The following NDRG1 variants were observed in gnomAD, a reference collection of about 807,000 sequenced individuals.
NDRG1 encodes N-myc downstream regulated 1.
NDRG1 carries 32 observed loss-of-function variants against 56.9 expected under a neutral mutation model. The observed-to-expected ratio is 0.56, with a 90% CI of 0.42 to 0.76. NDRG1 has a LOEUF of 0.76. Among genes scored for constraint, NDRG1 ranks in the 30% least tolerant of loss-of-function variants. NDRG1 has a pLI of 0.00. For synonymous variants in NDRG1, 211 were observed against 204.1 expected (o/e 1.03, Z -0.29); for missense variants, 507 against 545.7 (o/e 0.93, Z 0.71).
At chr8:133,280,356 A>T (rs1295401002) in intron 2 of NDRG1, 89 bp from the exon 3 acceptor site, 1 of 1,217,908 alleles carries the variant, frequency 8.2e-7, no homozygotes, top group Non-Finnish European at 1.2e-6. Flanking sequence ...CTATGACCTG[A>T]ATCTGTACCT....
intron 2 of NDRG1, among the ~76,000 whole-genome samples, chr8:133,281,900 T>C (rs1475957703): frequency 6.6e-6 from 1 of 152,160 alleles, no homozygotes; most frequent in Non-Finnish European, 1.5e-5. Flanking sequence ...GGGAAAGCCA[T>C]TCTGTACAGC....
chr8:133,264,936 G>A (rs1004431962), intron 3 of NDRG1: 9 of 473,070 alleles, frequency 1.9e-5, no homozygotes, highest in East Asian at 8.2e-5. Flanking sequence ...TCTCTGCCCC[G>A]GACTGTTTGC....
At chr8:133,296,890 G>T (rs1241280793) in intron 1 of NDRG1, 5 of 213,922 alleles carry the variant, frequency 2.3e-5, no homozygotes, top group Non-Finnish European at 4.9e-5. Flanking sequence ...CAGCTAGGGG[G>T]GAGATGAATG....
intron 1 of NDRG1, chr8:133,284,791 G>GT: frequency 2.2e-6 from 1 of 457,420 alleles, no homozygotes. Flanking sequence ...CAGCCTCACA[G>GT]TTAGCCCTAA....
intron 3 of NDRG1, among the ~76,000 whole-genome samples, chr8:133,271,617 T>C (rs1275802239): frequency 6.6e-6 from 1 of 151,356 alleles, no homozygotes; most frequent in Non-Finnish European, 1.5e-5. Context: ...ACCTCCTTTC[T>C]ACAAAAAATA....
chr8:133,294,494 G>A (rs1212625009), intron 1 of NDRG1, among the ~76,000 whole-genome samples: 2 of 152,216 alleles, frequency 1.3e-5, no homozygotes, highest in East Asian at 1.9e-4. Flanking sequence ...AGGCCTCTGA[G>A]TCACATCTGG....
chr8:133,270,561 C>T lies in NDRG1; in HGVS notation c.100-5909G>A, dbSNP rs541442008. ...GTTTTTTAAAAAGGGTCAAACTTGACCTTTTGATTCTTGTCCTTTCACCCT... is the reference window on the plus strand; with the variant it reads ...GTTTTTTAAAAAGGGTCAAACTTGATCTTTTGATTCTTGTCCTTTCACCCT... On this transcript the variant is annotated intron_variant, in intron 3 of 15. Coordinates refer to ENST00000323851, the MANE Select transcript of NDRG1 (RefSeq NM_006096.4). Among the ~76,000 whole-genome samples the T allele has an allele frequency of 5.9e-5, 9 of 152,214 alleles. No homozygotes were observed. In the East Asian group the frequency reaches 1.4e-3, roughly 23 times the overall value.
chr8:133,281,173 C>CA (rs1658186530), intron 2 of NDRG1: 2 of 152,110 alleles, frequency 1.3e-5, no homozygotes, highest in African/African-American at 4.8e-5. Flanking sequence ...GCTTGACCAG[C>CA]ATGGAGAAAC....
intron 9 of NDRG1, among the ~76,000 whole-genome samples, chr8:133,251,426 T>C (rs774421777): frequency 6.6e-6 from 1 of 152,166 alleles, no homozygotes; most frequent in Non-Finnish European, 1.5e-5. Flanking sequence ...GAAAAAATAG[T>C]CAGGAATCAC....
intron 8 of NDRG1, 82 bp from the exon 9 acceptor site, chr8:133,254,677 T>C: frequency 2.8e-6 from 4 of 1,420,464 alleles, no homozygotes; most frequent in Non-Finnish European, 2.9e-6. Context: ...CTTCCCTGGG[T>C]GCAGGGTGGC....
intron 2 of NDRG1, among the ~76,000 whole-genome samples, chr8:133,280,476 T>A (rs1004998722): frequency 2.0e-5 from 3 of 150,564 alleles, no homozygotes; most frequent in Non-Finnish European, 4.4e-5. Context: ...CAGGTTAGAG[T>A]ACAGTGGTGT....
At chr8:133,242,129 G>A (rs1352589991) in intron 14 of NDRG1, 55 bp from the exon 15 acceptor site, 20 of 1,584,774 alleles carry the variant, frequency 1.3e-5, no homozygotes, top group East Asian at 4.5e-5. Context: ...CAGATCACCC[G>A]AGGCCATGGG....
intron 1 of NDRG1, among the ~76,000 whole-genome samples, chr8:133,293,798 C>T (rs1380663586): frequency 6.6e-6 from 1 of 152,178 alleles, no homozygotes; most frequent in Non-Finnish European, 1.5e-5. Context: ...TCGCAGGAGA[C>T]CGGGCCTGGA....
intron 3 of NDRG1, 193 bp from the exon 4 acceptor site, chr8:133,264,845 C>T (rs1259843533): frequency 4.7e-6 from 3 of 636,156 alleles, no homozygotes; most frequent in Non-Finnish European, 8.6e-6. Context: ...AGGGGACTCC[C>T]AGGAGGCAGG....
At position 133,275,858 on chromosome 8, in the gene NDRG1, G is replaced by A. The variant is rs117957682; in HGVS notation, c.99+4374C>T. ...GGGGACAGGATCGCCGTAAGCACACGTGGGGCACATTTGGCATGCTGCCAG... is the reference window on the plus strand; with the variant it reads ...GGGGACAGGATCGCCGTAAGCACACATGGGGCACATTTGGCATGCTGCCAG... On this transcript the variant is annotated intron_variant, in intron 3 of 15. Coordinates refer to ENST00000323851, the MANE Select transcript of NDRG1 (RefSeq NM_006096.4). 2.1e-4 allele frequency among the ~76,000 whole-genome samples: 32 copies of A among 152,272 alleles called. No individual in the cohort carries two copies. In the East Asian group the frequency reaches 5.2e-3, roughly 25 times the overall value.
Position 133,238,796 on chromosome 8 carries a change from G to T in NDRG1, c.*82C>A. ...TTAATACCGAGTTAGGCGCAGTATG[G>T]CAGGCAGGGGGCGAAAAGGGGCCGG... On this transcript the variant is annotated 3_prime_UTR_variant, in exon 16 of 16. Coordinates refer to ENST00000323851, the MANE Select transcript of NDRG1 (RefSeq NM_006096.4). 1 of 1,440,938 alleles carries T rather than the reference G, an allele frequency of 6.9e-7. No individual in the cohort carries two copies. The highest frequency in any genetic ancestry group is 9.3e-7 in the Non-Finnish European group (1 of 1,075,626). The allele number at this position is 1,440,938 out of a possible 1,614,324, so 89.3% of individuals were successfully genotyped here.
chr8:133,279,209 G>A (rs1186057464), intron 3 of NDRG1, among the ~76,000 whole-genome samples: 4 of 152,094 alleles, frequency 2.6e-5, no homozygotes, highest in African/African-American at 9.7e-5. Context: ...AAACACTGAG[G>A]TCAGGGTGAT....
At chr8:133,290,760 C>G in intron 1 of NDRG1, among the ~76,000 whole-genome samples, 1 of 152,202 alleles carries the variant, frequency 6.6e-6, no homozygotes, top group African/African-American at 2.4e-5. Context: ...GAACTTTTCT[C>G]CCTTCACAAC....
intron 1 of NDRG1, among the ~76,000 whole-genome samples, chr8:133,296,172 G>A (rs766045973): frequency 1.3e-5 from 2 of 152,068 alleles, no homozygotes; most frequent in African/African-American, 2.4e-5. Context: ...AGACCGCGGC[G>A]GATCCCCCAG....
Sources: allele counts gnomAD v4.1 joint callset (sites outside exome capture counted in the v4.1 genomes callset), GRCh38; gene constraint gnomAD v4.1.1; transcripts MANE v1.5; gene names NCBI Gene and HGNC (gene_info 2026-07-23, HGNC 2026-07-21).